The following CHN2 variants were observed in gnomAD, a reference collection of about 807,000 sequenced individuals.
The protein encoded by CHN2 is chimerin 2, also known as beta-chimaerin.
Under a neutral mutation model 56.3 loss-of-function variants are expected in CHN2, and 35 were observed. That is an observed-to-expected ratio of 0.62 (90% CI 0.47 to 0.82). The LOEUF is 0.82. CHN2 is among the 40% of genes least tolerant of loss of function. The probability of loss-of-function intolerance (pLI) is 0.00; values close to 1 mark genes in which losing one functional copy is unlikely to be tolerated. For missense variants in CHN2, 491 were observed against 580.5 expected, an observed-to-expected ratio of 0.85 and a Z score of 1.58; for synonymous variants, 210 against 212.8, an observed-to-expected ratio of 0.99 and a Z score of 0.12.
intron 5 of CHN2, among the ~76,000 whole-genome samples, chr7:29,399,880 T>C (rs1254486236): frequency 6.6e-6 from 1 of 152,014 alleles, no homozygotes; most frequent in Non-Finnish European, 1.5e-5. Context: ...GCAGTTGTAG[T>C]GGGGAGTCAA....
chr7:29,212,547 A>G (rs13311144), intron 1 of CHN2: 247,416 of 1,493,234 alleles, frequency 0.17, 23,212 homozygotes, highest in Non-Finnish European at 0.19. Context: ...GCAGAGAATA[A>G]TGCCCCAAAA....
At chr7:29,184,241 T>A (rs1189790228) in intron 2 of CHN2, among the ~76,000 whole-genome samples, 1 of 150,742 alleles carries the variant, frequency 6.6e-6, no homozygotes, top group Non-Finnish European at 1.5e-5. Flanking sequence ...GAGATATACA[T>A]ATACAATCTA....
chr7:29,470,207 A>T (rs1482494188), intron 6 of CHN2, among the ~76,000 whole-genome samples: 1 of 152,202 alleles, frequency 6.6e-6, no homozygotes, highest in Non-Finnish European at 1.5e-5. Context: ...CGCTTGGTAG[A>T]GCTAGTCTTC....
intron 1 of CHN2, among the ~76,000 whole-genome samples, chr7:29,299,975 G>A (rs1479811485): frequency 6.6e-6 from 1 of 152,154 alleles, no homozygotes; most frequent in Non-Finnish European, 1.5e-5. Flanking sequence ...GTAAAAAACT[G>A]GAGGCAGGAA....
chr7:29,170,951 C>A (rs1796522089), intron 2 of CHN2, among the ~76,000 whole-genome samples: 1 of 152,126 alleles, frequency 6.6e-6, no homozygotes, highest in African/African-American at 2.4e-5. Context: ...AGACCTGCCC[C>A]CATGCTTCAA....
At chr7:29,315,322 A>G (rs1429881589) in intron 1 of CHN2, among the ~76,000 whole-genome samples, 2 of 152,212 alleles carry the variant, frequency 1.3e-5, no homozygotes, top group African/African-American at 2.4e-5. Context: ...TTTGGCAAGC[A>G]AGCACAAAGA....
In CHN2 at chr7:29,226,437, T is replaced by C. The variant is rs188051077; in HGVS notation, c.49+31447T>C. On this transcript the variant is annotated intron_variant, in intron 1 of 12. Coordinates refer to ENST00000222792, the MANE Select transcript of CHN2 (RefSeq NM_004067.4). Reference sequence around the variant, plus strand: ...TTTTTAAATAGAAAAATAAACAATATTTCCTGCCATGAAGACAGTTACTGT... The same window carrying C: ...TTTTTAAATAGAAAAATAAACAATACTTCCTGCCATGAAGACAGTTACTGT... Among the ~76,000 whole-genome samples the C allele has an allele frequency of 1.3e-3, 197 of 152,254 alleles. 1 individual carries two copies. The highest frequency in any genetic ancestry group is 4.6e-3 in the African/African-American group (191 of 41,546).
intron 1 of CHN2, among the ~76,000 whole-genome samples, chr7:29,339,405 C>T (rs1459419087): frequency 3.3e-5 from 5 of 152,008 alleles, no homozygotes; most frequent in African/African-American, 9.7e-5. Context: ...GCACTGAAAC[C>T]CCGAGCTATG....
chr7:29,334,056 T>C (rs1796428418), intron 1 of CHN2, among the ~76,000 whole-genome samples: 2 of 148,138 alleles, frequency 1.4e-5, no homozygotes, highest in Non-Finnish European at 1.5e-5. Flanking sequence ...TTTCTTTTTT[T>C]TTTTTTTTTT....
intron 6 of CHN2, among the ~76,000 whole-genome samples, chr7:29,461,026 C>T (rs1255208040): frequency 6.6e-6 from 1 of 152,194 alleles, no homozygotes; most frequent in African/African-American, 2.4e-5. Context: ...TGCTGTGTAG[C>T]ATAAATGGTT....
intron 1 of CHN2, among the ~76,000 whole-genome samples, chr7:29,206,124 C>T (rs1210515580): frequency 1.3e-5 from 2 of 152,188 alleles, no homozygotes; most frequent in African/African-American, 4.8e-5. Context: ...TGCTGGATCT[C>T]CAGTGCCTAG....
At chr7:29,352,724 A>G (rs1446156840) in intron 1 of CHN2, among the ~76,000 whole-genome samples, 2 of 152,160 alleles carry the variant, frequency 1.3e-5, no homozygotes, top group African/African-American at 4.8e-5. Flanking sequence ...CTCTGTCTCA[A>G]AAAACAAACA....
At chr7:29,180,652 A>G (rs1051507480) in intron 2 of CHN2, among the ~76,000 whole-genome samples, 7 of 152,250 alleles carry the variant, frequency 4.6e-5, no homozygotes, top group Non-Finnish European at 8.8e-5. Flanking sequence ...AATTTGACCA[A>G]TTAAAAGTTA....
intron 6 of CHN2, among the ~76,000 whole-genome samples, chr7:29,453,478 G>T (rs1300993782): frequency 1.3e-5 from 2 of 152,186 alleles, no homozygotes; most frequent in Non-Finnish European, 2.9e-5. Context: ...TTGTTACCCT[G>T]GAGGAGGACA....
At chr7:29,229,225 G>A (rs1459168715) in intron 1 of CHN2, among the ~76,000 whole-genome samples, 3 of 152,154 alleles carry the variant, frequency 2.0e-5, no homozygotes, top group Non-Finnish European at 4.4e-5. Flanking sequence ...CAAAGGTAGT[G>A]TCTACCCACA....
intron 9 of CHN2, among the ~76,000 whole-genome samples, chr7:29,502,454 C>G (rs1011514743): frequency 6.6e-6 from 1 of 152,138 alleles, no homozygotes; most frequent in Non-Finnish European, 1.5e-5. Flanking sequence ...CTCACATGGG[C>G]CAGAGTTTAA....
At chr7:29,222,239 A>G (rs1785861804) in intron 1 of CHN2, among the ~76,000 whole-genome samples, 1 of 152,254 alleles carries the variant, frequency 6.6e-6, no homozygotes, top group African/African-American at 2.4e-5. Context: ...AAAAGATTAC[A>G]TGCTCATGGA....
chr7:29,147,661 C>G (rs979752923), intron 2 of CHN2, among the ~76,000 whole-genome samples: 9 of 152,162 alleles, frequency 5.9e-5, no homozygotes, highest in Non-Finnish European at 1.2e-4. Flanking sequence ...GGAAGTACTT[C>G]CTACCCACCT....
intron 6 of CHN2, among the ~76,000 whole-genome samples, chr7:29,403,575 T>C (rs1802401333): frequency 6.6e-6 from 1 of 152,158 alleles, no homozygotes; most frequent in African/African-American, 2.4e-5. Flanking sequence ...TCCATCAGAT[T>C]TGAGTGGCTC....
Sources: gnomAD v4.1 joint callset for allele counts (sites outside exome capture counted in the v4.1 genomes callset) on GRCh38, gnomAD v4.1.1 for gene constraint, MANE v1.5 for transcripts, NCBI Gene and HGNC (gene_info 2026-07-23, HGNC 2026-07-21) for gene names.